Variants in HAUS6 observed in about 807,000 individuals in gnomAD.
The protein encoded by HAUS6 is HAUS augmin-like complex subunit 6.
HAUS6 carries 80 observed loss-of-function variants against 106.8 expected under a neutral mutation model. The observed-to-expected ratio is 0.75, with a 90% CI of 0.63 to 0.90. The LOEUF (loss-of-function observed/expected upper bound fraction) is 0.90. Ranked by LOEUF, HAUS6 falls within the 40% of genes least tolerant of loss-of-function variation. HAUS6 has a pLI of 0.00. For missense variants in HAUS6, 1,155 were observed against 1,118.1 expected (o/e 1.03, Z -0.47); for synonymous variants, 356 against 379.1 (o/e 0.94, Z 0.71).
chr9:19,099,161 G>GT lies in HAUS6; in HGVS notation c.129-2393dup, dbSNP rs1202937977. Reference sequence around the variant, plus strand: ...AAAAATAATGGGGTTTTTTTTGTTTGTTTTTTTGTGTTTTTTTTTTTTTGA... The same window carrying GT: ...AAAAATAATGGGGTTTTTTTTGTTTGTTTTTTTTGTGTTTTTTTTTTTTTGA... On this transcript the variant is annotated intron_variant, in intron 1 of 16. Coordinates refer to ENST00000380502, the MANE Select transcript of HAUS6 (RefSeq NM_017645.5). 2.7e-5 allele frequency among the ~76,000 whole-genome samples: 4 copies of GT among 145,690 alleles called. No individual in the cohort carries two copies. In the East Asian group the frequency reaches 6.0e-4, roughly 22 times the overall value.
chr9:19,078,609 G>A (rs888967869), intron 9 of HAUS6, among the ~76,000 whole-genome samples: 8 of 151,724 alleles, frequency 5.3e-5, no homozygotes, highest in Admixed American at 1.3e-4. Flanking sequence ...CCAATGTGGT[G>A]AAACCTCATC....
At chr9:19,066,664 G>C (rs1260380897) in intron 12 of HAUS6, among the ~76,000 whole-genome samples, 1 of 151,880 alleles carries the variant, frequency 6.6e-6, no homozygotes, top group Admixed American at 6.6e-5. Context: ...CTGAATTCTG[G>C]TTTTAAGTAT....
intron 12 of HAUS6, among the ~76,000 whole-genome samples, chr9:19,064,481 T>C (rs1238836694): frequency 1.3e-5 from 2 of 152,210 alleles, no homozygotes; most frequent in Non-Finnish European, 1.5e-5. Context: ...TCATGCTAAT[T>C]ATAAAATGTT....
At position 19,055,446 on chromosome 9, in the gene HAUS6, C is replaced by G. The variant is rs1227005322; in HGVS notation, c.*897G>C. ...TTTCTCAAGTTACTGTGAGGCTATT[C>G]TGTAGGGACTGGGGGATTCTGATGG... On this transcript the variant is annotated 3_prime_UTR_variant, in exon 17 of 17. Coordinates refer to ENST00000380502, the MANE Select transcript of HAUS6 (RefSeq NM_017645.5). 6.6e-6 allele frequency: 1 copy of G among 152,208 alleles called. No homozygotes were observed. The highest frequency in any genetic ancestry group is 1.5e-5 in the Non-Finnish European group (1 of 68,038). The allele number at this position is 152,208 out of a possible 1,614,324, so 9.4% of individuals were successfully genotyped here.
Position 19,101,342 on chromosome 9 carries a change from G to T in HAUS6, c.128+1182C>A, listed in dbSNP as rs115150126. On this transcript the variant is annotated intron_variant, in intron 1 of 16. Coordinates refer to ENST00000380502, the MANE Select transcript of HAUS6 (RefSeq NM_017645.5). ...TCAAGACCAGCCTGGGCAACATGCC[G>T]ACCCTAGGCATGGTGCCACGCACCT... is the stretch of plus-strand genomic sequence containing the variant. 3.2e-3 allele frequency among the ~76,000 whole-genome samples: 472 copies of T among 148,404 alleles called. 3 individuals carry two copies. Among genetic ancestry groups the T allele is most frequent in the African/African-American group, 0.011 (450 of 40,210 alleles).
At chr9:19,077,988 A>C (rs1056117833) in intron 10 of HAUS6, among the ~76,000 whole-genome samples, 188 bp downstream of exon 10, 1 of 151,996 alleles carries the variant, frequency 6.6e-6, no homozygotes, top group Admixed American at 6.6e-5. Flanking sequence ...TTGAGCCCGG[A>C]AGTTCAAGGT....
chr9:19,084,985 T>A (rs900052192), intron 7 of HAUS6, among the ~76,000 whole-genome samples: 2 of 151,552 alleles, frequency 1.3e-5, no homozygotes, highest in Non-Finnish European at 2.9e-5. Context: ...TACAGTCCAC[T>A]GGCACAACCA....
intron 12 of HAUS6, among the ~76,000 whole-genome samples, chr9:19,065,996 C>G (rs1050055650): frequency 6.8e-6 from 1 of 145,994 alleles, no homozygotes; most frequent in East Asian, 2.1e-4. Flanking sequence ...AGTGCAGTGG[C>G]GGGATCCTGG....
intron 9 of HAUS6, among the ~76,000 whole-genome samples, chr9:19,079,034 T>C (rs1347580127): frequency 1.3e-5 from 2 of 149,540 alleles, no homozygotes; most frequent in African/African-American, 4.9e-5. Context: ...CATGGTGGCA[T>C]GCACCTGTAA....
Position 19,089,559 on chromosome 9 carries a change from T to C in HAUS6, c.437A>G (p.Asn146Ser). 3 of 1,606,990 alleles carry C rather than the reference T, an allele frequency of 1.9e-6. No individual in the cohort carries two copies. Among genetic ancestry groups the C allele is most frequent in the Non-Finnish European group, 2.6e-6 (3 of 1,174,800 alleles). Reference sequence around the variant, plus strand: ...TGTCTCTACAAAATGATGAGAAGAATCTACACAGAACACAAATAAGATTAT... The same window carrying C: ...TGTCTCTACAAAATGATGAGAAGAACCTACACAGAACACAAATAAGATTAT... ...AMKYIKSNSK[N>S]SSHHFVETFN... Residue 146 changes from asparagine (N) to serine (S), a missense_variant and splice_region_variant, in exon 5 of 17, where the codon AAT (asparagine) becomes AGT (serine). By Grantham distance (46) the Asn-to-Ser change is conservative. Around this residue, in one of 3 missense-constraint regions of HAUS6, gnomAD observed 761 missense variants for 690.0 expected, o/e 1.10. Coordinates refer to ENST00000380502, the MANE Select transcript of HAUS6 (RefSeq NM_017645.5).
At chr9:19,088,625 T>A (rs1283397643) in intron 5 of HAUS6, among the ~76,000 whole-genome samples, 1 of 151,140 alleles carries the variant, frequency 6.6e-6, no homozygotes, top group Non-Finnish European at 1.5e-5. Context: ...CCCAGCACTT[T>A]GGGAGGCCAA....
At chr9:19,057,348 A>T (rs527565633) in intron 16 of HAUS6, 1 of 152,350 alleles carries the variant, frequency 6.6e-6, no homozygotes, top group Admixed American at 6.5e-5. Flanking sequence ...TTACACTGCC[A>T]CAAGCCAAGG....
At chr9:19,070,184 T>C (rs1427742121) in intron 12 of HAUS6, 35 bp downstream of exon 12, 4 of 1,163,406 alleles carry the variant, frequency 3.4e-6, no homozygotes, top group Non-Finnish European at 5.1e-6. Flanking sequence ...AAGAGTTTTT[T>C]AATGTTTAAC....
chr9:19,058,671 C>G lies in HAUS6; in HGVS notation c.2096G>C (p.Cys699Ser), dbSNP rs947654102. 3.7e-6 allele frequency: 6 copies of G among 1,611,760 alleles called. No homozygotes were observed. The highest frequency in any genetic ancestry group is 5.1e-6 in the Non-Finnish European group (6 of 1,178,132). Residue 699 changes from cysteine (C) to serine (S), a missense_variant, in exon 16 of 17, where the codon TGT (cysteine) becomes TCT (serine). Transcript: ENST00000380502. ...TTCTGAAAGCTTGGTGAAGGCTAAA[C>G]ATTCCAAATCTTGCTTGCAAATTAC... ...KKVICKQDLE[C>S]LAFTKLSETS...
intron 4 of HAUS6, among the ~76,000 whole-genome samples, chr9:19,092,830 CAGG>C (rs972742074): frequency 6.8e-6 from 1 of 147,608 alleles, no homozygotes; most frequent in Admixed American, 6.9e-5. Flanking sequence ...GAGGCTGAGG[CAGG>C]AAAATTGCTT....
chr9:19,090,547 G>T (rs1196940597), intron 4 of HAUS6, among the ~76,000 whole-genome samples: 1 of 152,100 alleles, frequency 6.6e-6, no homozygotes, highest in Non-Finnish European at 1.5e-5. Context: ...TGTAATTTTA[G>T]TAGAGACGGG....
intron 15 of HAUS6, 63 bp from the exon 16 acceptor site, chr9:19,059,064 C>A: frequency 1.2e-6 from 1 of 862,788 alleles, no homozygotes; most frequent in South Asian, 1.7e-5. Context: ...TGCAATGAAT[C>A]ATTTTATTTC....
At chr9:19,056,601 T>A (rs1439622496) in intron 16 of HAUS6, 197 bp from the exon 17 acceptor site, 3 of 482,834 alleles carry the variant, frequency 6.2e-6, no homozygotes, top group Non-Finnish European at 1.1e-5. Flanking sequence ...AGAGTACTTT[T>A]TTTTTTTTCT....
intron 1 of HAUS6, among the ~76,000 whole-genome samples, chr9:19,097,489 A>T (rs371110289): frequency 6.6e-6 from 1 of 152,132 alleles, no homozygotes. Context: ...GCCAAAAAAC[A>T]CATGAAAAAA....
Sources: allele counts gnomAD v4.1 joint callset (sites outside exome capture counted in the v4.1 genomes callset), GRCh38; gene constraint gnomAD v4.1.1; regional missense constraint gnomAD v4.1.1; transcripts MANE v1.5; gene names NCBI Gene and HGNC (gene_info 2026-07-23, HGNC 2026-07-21).